Variants in GATAD2B observed in about 807,000 individuals in gnomAD.
GATAD2B encodes the protein GATA zinc finger domain containing 2B.
In GATAD2B, 8 loss-of-function variants were observed where a neutral mutation model predicts 64.3. The observed-to-expected ratio is 0.12, with a 90% CI of 0.07 to 0.22. The LOEUF is 0.22. GATAD2B is among the 10% of genes least tolerant of loss of function. The pLI is 1.00. For missense variants in GATAD2B, 453 were observed against 752.0 expected, an observed-to-expected ratio of 0.60 and a Z score of 4.65; for synonymous variants, 281 against 271.3, an observed-to-expected ratio of 1.04 and a Z score of -0.35.
intron 1 of GATAD2B, 111 bp from the exon 2 acceptor site, chr1:153,828,459 C>T (rs1674961229): frequency 2.8e-5 from 5 of 176,412 alleles, no homozygotes; most frequent in South Asian, 2.2e-4. Context: ...CACACATACA[C>T]ACACACACAC....
chr1:153,854,421 C>T (rs1458928657), intron 1 of GATAD2B, among the ~76,000 whole-genome samples: 2 of 151,922 alleles, frequency 1.3e-5, no homozygotes, highest in East Asian at 3.9e-4. Flanking sequence ...AACAAACAAA[C>T]AAACAAAAAC....
chr1:153,852,587 A>C (rs1675939935), intron 1 of GATAD2B: 1 of 777,520 alleles, frequency 1.3e-6, no homozygotes, highest in African/African-American at 1.7e-5. Flanking sequence ...GAGCATCCTG[A>C]ATTTTCTGAT....
chr1:153,844,815 T>C (rs544522201), intron 1 of GATAD2B, among the ~76,000 whole-genome samples: 2 of 147,396 alleles, frequency 1.4e-5, no homozygotes, highest in Non-Finnish European at 3.0e-5. Flanking sequence ...TAAGGCTAGA[T>C]GACGAGTTAG....
chr1:153,893,182 C>A (rs906967623), intron 1 of GATAD2B, among the ~76,000 whole-genome samples: 2 of 152,086 alleles, frequency 1.3e-5, no homozygotes, highest in Admixed American at 6.6e-5. Context: ...ATGGAACCTA[C>A]AGGAAAAACA....
At chr1:153,892,718 A>G (rs1423287541) in intron 1 of GATAD2B, among the ~76,000 whole-genome samples, 23 of 124,854 alleles carry the variant, frequency 1.8e-4, no homozygotes, top group Non-Finnish European at 1.3e-4. Context: ...TTTTTTTGAG[A>G]CAGTCTCCCT....
intron 5 of GATAD2B, 106 bp from the exon 6 acceptor site, chr1:153,817,648 G>T: frequency 1.4e-6 from 1 of 693,678 alleles, no homozygotes. Context: ...TAGCTAAGTA[G>T]AAACACAGGA....
intron 3 of GATAD2B, among the ~76,000 whole-genome samples, 160 bp downstream of exon 3, chr1:153,819,446 C>T (rs935920457): frequency 6.6e-6 from 1 of 152,144 alleles, no homozygotes; most frequent in Non-Finnish European, 1.5e-5. Context: ...CTAATAGTTC[C>T]TTTTGAAAGC....
intron 3 of GATAD2B, among the ~76,000 whole-genome samples, chr1:153,819,401 A>G (rs544330609): frequency 1.3e-5 from 2 of 152,210 alleles, no homozygotes; most frequent in Non-Finnish European, 2.9e-5. Flanking sequence ...AATGGCCTAC[A>G]TATATGCTTT....
At chr1:153,884,143 A>G (rs1424736488) in intron 1 of GATAD2B, among the ~76,000 whole-genome samples, 1 of 152,142 alleles carries the variant, frequency 6.6e-6, no homozygotes, top group African/African-American at 2.4e-5. Flanking sequence ...CTAAAAATAC[A>G]AAAATTAGCC....
intron 1 of GATAD2B, among the ~76,000 whole-genome samples, chr1:153,906,697 C>T (rs1028869797): frequency 2.6e-5 from 4 of 151,966 alleles, no homozygotes; most frequent in African/African-American, 9.7e-5. Context: ...CATCAAAGGA[C>T]ACTACAGAGT....
rs1389535814 is a variant in GATAD2B, at chr1:153,805,607, C to T, written c.*4570G>A. The T allele has an allele frequency of 6.6e-6, 1 of 152,238 alleles. No individual in the cohort carries two copies. Among genetic ancestry groups the T allele is most frequent in the Non-Finnish European group, 1.5e-5 (1 of 68,046 alleles). The allele number at this position is 152,238 out of a possible 1,614,324, so 9.4% of individuals were successfully genotyped here. On this transcript the variant is annotated 3_prime_UTR_variant, in exon 11 of 11. Transcript: ENST00000368655. ...CACATAACCACTTCAACGCGAGTCA[C>T]TTTCAGTTCCTCCCTGGTTTCTGGG...
chr1:153,852,637 G>A, intron 1 of GATAD2B: 1 of 817,232 alleles, frequency 1.2e-6, no homozygotes, highest in East Asian at 2.4e-5. Context: ...TCAATCAAGT[G>A]AACAGAAGAA....
chr1:153,826,274 C>T (rs1377637502), intron 2 of GATAD2B, among the ~76,000 whole-genome samples: 1 of 151,888 alleles, frequency 6.6e-6, no homozygotes, highest in Non-Finnish European at 1.5e-5. Context: ...CCGCCTCGGC[C>T]TCTCAAAGTG....
At chr1:153,876,003 C>T (rs139565774) in intron 1 of GATAD2B, among the ~76,000 whole-genome samples, 3,494 of 151,722 alleles carry the variant, frequency 0.023, 135 homozygotes, top group African/African-American at 0.078. Flanking sequence ...CCAAAGCAGG[C>T]GGATCATGAG....
intron 1 of GATAD2B, among the ~76,000 whole-genome samples, chr1:153,855,642 C>T (rs976506150): frequency 6.6e-6 from 1 of 152,050 alleles, no homozygotes; most frequent in African/African-American, 2.4e-5. Context: ...TCTAATTAGG[C>T]TAAATTCAAG....
At chr1:153,858,884 G>A (rs1676177571) in intron 1 of GATAD2B, among the ~76,000 whole-genome samples, 1 of 152,170 alleles carries the variant, frequency 6.6e-6, no homozygotes, top group South Asian at 2.1e-4. Flanking sequence ...AGTATGGTCA[G>A]GAAAGTCCTG....
intron 1 of GATAD2B, among the ~76,000 whole-genome samples, chr1:153,861,863 T>G (rs1221427700): frequency 6.8e-6 from 1 of 146,382 alleles, no homozygotes; most frequent in Non-Finnish European, 1.5e-5. Flanking sequence ...TATGTATATA[T>G]GTATATATAT....
intron 1 of GATAD2B, among the ~76,000 whole-genome samples, chr1:153,897,766 G>A (rs1677640647): frequency 6.6e-6 from 1 of 151,992 alleles, no homozygotes; most frequent in Non-Finnish European, 1.5e-5. Context: ...TAGACAGTTG[G>A]CCAATATATT....
At chr1:153,904,362 T>A (rs1167932680) in intron 1 of GATAD2B, among the ~76,000 whole-genome samples, 2 of 151,680 alleles carry the variant, frequency 1.3e-5, no homozygotes, top group Non-Finnish European at 2.9e-5. Flanking sequence ...ATGATAGAAA[T>A]GGAAAAACAG....
Sources: gnomAD v4.1 joint callset for allele counts (sites outside exome capture counted in the v4.1 genomes callset) on GRCh38, gnomAD v4.1.1 for gene constraint, MANE v1.5 for transcripts, NCBI Gene and HGNC (gene_info 2026-07-23, HGNC 2026-07-21) for gene names.